GNA14: variants seen among roughly 807,000 people sequenced by gnomAD.
GNA14 encodes G protein subunit alpha 14.
GNA14 carries 50 observed loss-of-function variants against 42.0 expected under a neutral mutation model. That is an observed-to-expected ratio of 1.19 (90% CI 0.95 to 1.51). GNA14 has a LOEUF of 1.51. Among genes scored for constraint, GNA14 ranks in the 40% most tolerant of loss-of-function variants. The pLI is 0.00. For missense variants in GNA14, 473 were observed against 446.2 expected, an observed-to-expected ratio of 1.06 and a Z score of -0.54; for synonymous variants, 173 against 163.1, an observed-to-expected ratio of 1.06 and a Z score of -0.46.
At chr9:77,450,694 C>T (rs868672003) in intron 2 of GNA14, among the ~76,000 whole-genome samples, 6 of 151,220 alleles carry the variant, frequency 4.0e-5, no homozygotes, top group African/African-American at 1.2e-4. Context: ...TTTTTGGTGG[C>T]GATTTTGCTA....
intron 1 of GNA14, among the ~76,000 whole-genome samples, chr9:77,608,139 C>G (rs1265033745): frequency 6.6e-6 from 1 of 152,208 alleles, no homozygotes; most frequent in Non-Finnish European, 1.5e-5. Context: ...AGGCAGAGTA[C>G]TGAACCAAAG....
At chr9:77,437,532 C>G (rs1160082825) in intron 2 of GNA14, among the ~76,000 whole-genome samples, 2 of 146,658 alleles carry the variant, frequency 1.4e-5, no homozygotes, top group Non-Finnish European at 3.0e-5. Context: ...CAGAATGAGA[C>G]CCTGTATAAG....
intron 1 of GNA14, among the ~76,000 whole-genome samples, chr9:77,604,060 T>C (rs1823613526): frequency 6.7e-6 from 1 of 148,782 alleles, no homozygotes; most frequent in African/African-American, 2.5e-5. Flanking sequence ...TGGTAATAAA[T>C]ATTTTACAGC....
chr9:77,515,703 T>G (rs2131754317), intron 2 of GNA14, among the ~76,000 whole-genome samples: 1 of 152,080 alleles, frequency 6.6e-6, no homozygotes, highest in East Asian at 1.9e-4. Context: ...GTGGCTCACG[T>G]CAGTAATCCC....
intron 1 of GNA14, among the ~76,000 whole-genome samples, chr9:77,557,109 G>A (rs1201095104): frequency 6.6e-6 from 1 of 152,188 alleles, no homozygotes; most frequent in Non-Finnish European, 1.5e-5. Flanking sequence ...AAACCCGGGG[G>A]TCTAAGGGTG....
chr9:77,434,321 G>C lies in GNA14; in HGVS notation c.464+47C>G, dbSNP rs1157149580. 1.9e-6 allele frequency: 3 copies of C among 1,562,358 alleles called. No homozygotes were observed. The African/African-American group carries it at 4.1e-5, about 21-fold the overall frequency. On this transcript the variant is annotated intron_variant, in intron 3 of 6. Transcript: ENST00000341700. ...AGAAACTTCTTTGAAGTGTGGCCGA[G>C]CTTGCCTGAAAGCACCGCGGGCGGC...
chr9:77,584,788 G>C (rs1275650341), intron 1 of GNA14, among the ~76,000 whole-genome samples: 1 of 150,418 alleles, frequency 6.6e-6, no homozygotes, highest in East Asian at 1.9e-4. Context: ...CAATTTTTAT[G>C]GTTATTTCTT....
chr9:77,609,076 G>T (rs1431581556), intron 1 of GNA14, among the ~76,000 whole-genome samples: 1 of 151,964 alleles, frequency 6.6e-6, no homozygotes, highest in East Asian at 1.9e-4. Context: ...TTTTTGCATA[G>T]GAATTCCTTC....
chr9:77,550,952 G>C (rs1837779505), intron 1 of GNA14, among the ~76,000 whole-genome samples: 1 of 152,174 alleles, frequency 6.6e-6, no homozygotes, highest in African/African-American at 2.4e-5. Flanking sequence ...CCCAGTTCCT[G>C]TTTTAAATTC....
intron 1 of GNA14, among the ~76,000 whole-genome samples, chr9:77,547,146 G>T (rs1564050626): frequency 6.6e-6 from 1 of 152,130 alleles, no homozygotes. Context: ...TCTTACATTG[G>T]GAGGATGTAC....
At chr9:77,628,272 C>T (rs886822916) in intron 1 of GNA14, among the ~76,000 whole-genome samples, 46 of 152,202 alleles carry the variant, frequency 3.0e-4, no homozygotes, top group African/African-American at 9.9e-4. Flanking sequence ...ACATTTCATG[C>T]TCACGGATAG....
chr9:77,556,003 G>T (rs926697410), intron 1 of GNA14, among the ~76,000 whole-genome samples: 2 of 152,158 alleles, frequency 1.3e-5, no homozygotes, highest in Non-Finnish European at 2.9e-5. Context: ...TCAACAGTTT[G>T]GGAGGCCGAG....
chr9:77,526,441 C>G (rs796707954), intron 2 of GNA14: 1 of 150,178 alleles, frequency 6.7e-6, no homozygotes, highest in Non-Finnish European at 1.5e-5. Context: ...TAGATGCAAG[C>G]AAGATAAGGT....
At chr9:77,465,216 T>C (rs1424085023) in intron 2 of GNA14, among the ~76,000 whole-genome samples, 1 of 152,192 alleles carries the variant, frequency 6.6e-6, no homozygotes, top group African/African-American at 2.4e-5. Flanking sequence ...TAAGACAACC[T>C]CTGTCTCTAT....
chr9:77,618,594 A>ATG (rs1823860537), intron 1 of GNA14, among the ~76,000 whole-genome samples: 1 of 12,334 alleles, frequency 8.1e-5, no homozygotes, highest in African/African-American at 3.0e-4. Flanking sequence ...ATATATATAT[A>ATG]TATATATATA....
chr9:77,521,894 G>A (rs191081477), intron 2 of GNA14, among the ~76,000 whole-genome samples: 9 of 152,114 alleles, frequency 5.9e-5, no homozygotes, highest in South Asian at 2.1e-4. Context: ...GTGCAATGGC[G>A]CGATCTTGGC....
chr9:77,508,403 G>A (rs1837104011), intron 2 of GNA14, among the ~76,000 whole-genome samples: 1 of 152,170 alleles, frequency 6.6e-6, no homozygotes, highest in Non-Finnish European at 1.5e-5. Flanking sequence ...AGAGAAATAT[G>A]GACTGTGATG....
chr9:77,551,032 C>T (rs539520632), intron 1 of GNA14, among the ~76,000 whole-genome samples: 1 of 152,270 alleles, frequency 6.6e-6, no homozygotes, highest in East Asian at 1.9e-4. Context: ...GCTTGGTCTT[C>T]CCCTACCCCT....
At chr9:77,534,470 A>G (rs896142203) in intron 1 of GNA14, among the ~76,000 whole-genome samples, 1 of 152,246 alleles carries the variant, frequency 6.6e-6, no homozygotes, top group Non-Finnish European at 1.5e-5. Flanking sequence ...ATGTTTACAT[A>G]AAATTCAGAA....
Sources: gnomAD v4.1 joint callset for allele counts (sites outside exome capture counted in the v4.1 genomes callset) on GRCh38, gnomAD v4.1.1 for gene constraint, MANE v1.5 for transcripts, NCBI Gene and HGNC (gene_info 2026-07-23, HGNC 2026-07-21) for gene names.